The following KIAA1549L variants were observed in gnomAD, a reference collection of about 807,000 sequenced individuals.
The protein encoded by KIAA1549L is UPF0606 protein KIAA1549L.
A neutral mutation model predicts 160.7 loss-of-function variants in KIAA1549L; 88 were observed. That is an observed-to-expected ratio of 0.55 (90% CI 0.46 to 0.65). The LOEUF (loss-of-function observed/expected upper bound fraction) is 0.65, where lower values mean the gene tolerates loss of function less well. Ranked by LOEUF, KIAA1549L falls within the 30% of genes least tolerant of loss-of-function variation. The pLI is 0.00. For missense variants in KIAA1549L, 2,258 were observed against 2,437.5 expected (o/e 0.93, Z 1.55); for synonymous variants, 950 against 976.7 (o/e 0.97, Z 0.51).
At chr11:33,503,121 T>C (rs1472644044) in intron 1 of KIAA1549L, among the ~76,000 whole-genome samples, 2 of 152,234 alleles carry the variant, frequency 1.3e-5, no homozygotes, top group African/African-American at 4.8e-5. Flanking sequence ...GCCACCTTTT[T>C]CTGATCATTC....
chr11:33,565,719 T>TTTTC lies in KIAA1549L; in HGVS notation c.4079-2357_4079-2356insTTTC, dbSNP rs1855025967. Among the ~76,000 whole-genome samples the TTTTC allele has an allele frequency of 4.6e-5, 7 of 151,482 alleles. No homozygotes were observed. In the South Asian group the frequency reaches 1.1e-3, roughly 23 times the overall value. The stretch of plus-strand genomic sequence containing the variant: ...TTCCGTGGAGGCTTTTTTTTTTTTT[T>TTTTC]CAAAAAAATTTTTATTGGCTGGGTG... On this transcript the variant is annotated intron_variant, in intron 8 of 20. Transcript: ENST00000658780.
chr11:33,395,874 G>C (rs1434312030), intron 1 of KIAA1549L, among the ~76,000 whole-genome samples: 1 of 152,062 alleles, frequency 6.6e-6, no homozygotes, highest in Non-Finnish European at 1.5e-5. Flanking sequence ...GCCGTACTCA[G>C]CACAGAGGGC....
chr11:33,431,274 AG>A (rs1317977211), intron 1 of KIAA1549L, among the ~76,000 whole-genome samples: 64 of 152,252 alleles, frequency 4.2e-4, no homozygotes, highest in Non-Finnish European at 8.4e-4. Flanking sequence ...ACAGTGTGGA[AG>A]GGGACCCGAG....
intron 1 of KIAA1549L, among the ~76,000 whole-genome samples, chr11:33,383,737 G>A (rs1194000912): frequency 6.6e-6 from 1 of 152,182 alleles, no homozygotes; most frequent in Non-Finnish European, 1.5e-5. Context: ...GGGGGATGTG[G>A]CAGGACAGCA....
chr11:33,477,520 A>ACACACACAC lies in KIAA1549L; in HGVS notation c.239-64282_239-64281insCACACACAC, dbSNP rs1554981526. On this transcript the variant is annotated intron_variant, in intron 1 of 20. Transcript: ENST00000658780. ...ACGCAGGTGCACGCACACACACACA[A>ACACACACAC]ACACACACACACACACACACACGAC... 3.7e-3 allele frequency among the ~76,000 whole-genome samples: 543 copies of ACACACACAC among 146,996 alleles called. 2 individuals carry two copies. Among genetic ancestry groups the ACACACACAC allele is most frequent in the African/African-American group, 0.013 (514 of 40,078 alleles).
At chr11:33,546,574 G>T (rs1330182223) in intron 3 of KIAA1549L, among the ~76,000 whole-genome samples, 1 of 152,116 alleles carries the variant, frequency 6.6e-6, no homozygotes, top group Non-Finnish European at 1.5e-5. Context: ...TGTAACAACA[G>T]CCACATTTAT....
intron 1 of KIAA1549L, among the ~76,000 whole-genome samples, chr11:33,521,769 C>G (rs914661368): frequency 6.6e-6 from 1 of 152,194 alleles, no homozygotes; most frequent in Non-Finnish European, 1.5e-5. Context: ...GGTTCTTTCT[C>G]TCTTTGTGGG....
intron 17 of KIAA1549L, among the ~76,000 whole-genome samples, chr11:33,651,330 G>A (rs1375854939): frequency 2.6e-5 from 4 of 151,940 alleles, no homozygotes; most frequent in African/African-American, 7.3e-5. Context: ...CCAGCTACTC[G>A]GGAGGCTGAG....
At chr11:33,580,874 A>G (rs1335667805) in intron 10 of KIAA1549L, among the ~76,000 whole-genome samples, 1 of 152,330 alleles carries the variant, frequency 6.6e-6, no homozygotes, top group East Asian at 1.9e-4. Context: ...GGGCTAGGGC[A>G]TGTTGAGAAG....
chr11:33,543,827 A>G lies in KIAA1549L; in HGVS notation c.2264A>G (p.Lys755Arg), dbSNP rs900874635. The change falls in exon 2 of 21, where the codon AAA becomes AGA. Residue 755 changes from lysine (K) to arginine (R), a missense_variant. By Grantham distance (26) the Lys-to-Arg change is conservative. This residue lies in a region of KIAA1549L where 287 missense variants were observed against 292.3 expected (regional missense o/e 0.98). Coordinates refer to ENST00000658780, the MANE Select transcript of KIAA1549L (RefSeq NM_012194.3). ...NGLTSAADAIKSQDFKDTAGH... is the reference protein window; with the variant it reads ...NGLTSAADAIRSQDFKDTAGH... ...TTAACTTCAGCTGCCGATGCCATAA[A>G]ATCTCAGGATTTCAAAGATACTGCT... The G allele has an allele frequency of 4.3e-6, 7 of 1,613,898 alleles. 1 individual carries two copies. The African/African-American group carries it at 6.7e-5, about 15-fold the overall frequency.
chr11:33,560,376 C>T (rs913910147), intron 7 of KIAA1549L, among the ~76,000 whole-genome samples: 2 of 152,184 alleles, frequency 1.3e-5, no homozygotes, highest in African/African-American at 4.8e-5. Context: ...CTAGGGCAAC[C>T]GATCTCTGAG....
At chr11:33,404,438 C>T (rs769622270) in intron 1 of KIAA1549L, among the ~76,000 whole-genome samples, 8 of 151,994 alleles carry the variant, frequency 5.3e-5, no homozygotes, top group East Asian at 1.9e-4. Context: ...GCAGGAGAAT[C>T]GCTTGAACCC....
chr11:33,408,785 A>C (rs1012715063), intron 1 of KIAA1549L, among the ~76,000 whole-genome samples: 7 of 147,222 alleles, frequency 4.8e-5, no homozygotes, highest in African/African-American at 1.7e-4. Context: ...AAAATACAAA[A>C]AAAAAAAAAA....
chr11:33,541,884 G>A lies in KIAA1549L; in HGVS notation c.321G>A (p.Trp107Ter). The A allele has an allele frequency of 3.8e-6, 1 of 263,470 alleles. No individual in the cohort carries two copies. Among genetic ancestry groups the A allele is most frequent in the Non-Finnish European group, 8.0e-6 (1 of 125,166 alleles). 16.3% of individuals were successfully genotyped at this position (263,470 alleles called of 1,614,324 possible). The part of the protein sequence containing the change: ...PGKLLPISPT[W>*]PFTEVRSSSA... ...AATTGTTACCAATTTCACCAACATG[G>A]CCTTTCACAGAAGTCAGGTCTTCCT... Residue 107 changes from tryptophan to a stop codon, truncating the protein, a stop_gained, in exon 2 of 21, where the codon TGG becomes TGA. Coordinates refer to ENST00000658780, the MANE Select transcript of KIAA1549L (RefSeq NM_012194.3). LOFTEE classifies it high-confidence loss of function.
At chr11:33,510,431 C>T (rs188892955) in intron 1 of KIAA1549L, among the ~76,000 whole-genome samples, 5 of 152,184 alleles carry the variant, frequency 3.3e-5, no homozygotes, top group Non-Finnish European at 7.3e-5. Flanking sequence ...AAGTGATCCA[C>T]TCGTCTCGGC....
chr11:33,541,318 T>C (rs1854014734), intron 1 of KIAA1549L, among the ~76,000 whole-genome samples: 1 of 152,336 alleles, frequency 6.6e-6, no homozygotes, highest in Middle Eastern at 3.4e-3. Flanking sequence ...ATAAATATGT[T>C]TCATTGGAGC....
In KIAA1549L at chr11:33,465,046, C is replaced by CTTT. The variant is rs1008261470; in HGVS notation, c.239-76731_239-76729dup. Among the ~76,000 whole-genome samples the CTTT allele has an allele frequency of 6.5e-3, 510 of 79,012 alleles. 92 individuals are homozygous for CTTT. Among genetic ancestry groups the CTTT allele is most frequent in the African/African-American group, 0.021 (415 of 19,324 alleles). 51.8% of individuals were successfully genotyped at this position (79,012 alleles called of 152,430 possible). A position where few individuals can be genotyped will look rare whatever the true frequency, so the allele number is the denominator to read the frequency against. On this transcript the variant is annotated intron_variant, in intron 1 of 20. Transcript: ENST00000658780. ...CATTCAACTCGCATGGGACCTTCTTCTTTTTTTTTTTTTTTTTTTTTTTTT... is the reference window on the plus strand; with the variant it reads ...CATTCAACTCGCATGGGACCTTCTTCTTTTTTTTTTTTTTTTTTTTTTTTTTTT...
At chr11:33,456,665 G>A (rs548605711) in intron 1 of KIAA1549L, among the ~76,000 whole-genome samples, 35 of 152,252 alleles carry the variant, frequency 2.3e-4, no homozygotes, top group African/African-American at 7.2e-4. Flanking sequence ...TCCTGCCCAC[G>A]CCTTCCAAAG....
intron 6 of KIAA1549L, 132 bp downstream of exon 6, chr11:33,552,373 A>T: frequency 1.0e-6 from 1 of 996,204 alleles, no homozygotes; most frequent in Non-Finnish European, 1.5e-6. Context: ...GACATTGGTG[A>T]GGATGTCTGG....
Sources: allele counts gnomAD v4.1 joint callset (sites outside exome capture counted in the v4.1 genomes callset), GRCh38; gene constraint gnomAD v4.1.1; regional missense constraint gnomAD v4.1.1; transcripts MANE v1.5; gene names NCBI Gene and HGNC (gene_info 2026-07-23, HGNC 2026-07-21).